Variants in ADARB2 observed in about 807,000 individuals in gnomAD.
The protein encoded by ADARB2 is inactive double-stranded RNA-specific editase B2.
Under a neutral mutation model 62.2 loss-of-function variants are expected in ADARB2, and 25 were observed. The observed-to-expected ratio is 0.40, with a 90% CI of 0.29 to 0.56. The LOEUF is 0.56. ADARB2 is among the 20% of genes least tolerant of loss of function. ADARB2 has a pLI of 0.43. For missense variants in ADARB2, 1,071 were observed against 1,077.4 expected (o/e 0.99, Z 0.08); for synonymous variants, 572 against 500.8 (o/e 1.14, Z -1.90).
At chr10:1,258,183 GCTTAAC>G (rs1831098407) in intron 4 of ADARB2, among the ~76,000 whole-genome samples, 1 of 151,876 alleles carries the variant, frequency 6.6e-6, no homozygotes, top group Non-Finnish European at 1.5e-5. Context: ...TCTTAAGTGT[GCTTAAC>G]CATAGCATGG....
chr10:1,726,981 T>C (rs1835175505), intron 1 of ADARB2, among the ~76,000 whole-genome samples: 1 of 152,196 alleles, frequency 6.6e-6, no homozygotes. Context: ...GAACATGTTC[T>C]AGAGCTTCTG....
In ADARB2 at chr10:1,636,737, AT is replaced by A. The variant is rs935424354; in HGVS notation, c.100+100313del. On this transcript the variant is annotated intron_variant, in intron 1 of 9. Coordinates refer to ENST00000381312, the MANE Select transcript of ADARB2 (RefSeq NM_018702.4). ...ATATAGATATTTGATATATACCGAT[AT>A]GATGTATAATATACATCATATCAAT... Among the ~76,000 whole-genome samples, 15 of 149,702 alleles carry A rather than the reference AT, an allele frequency of 1.0e-4. No individual in the cohort carries two copies. In the East Asian group the frequency reaches 2.9e-3, roughly 29 times the overall value.
intron 1 of ADARB2, among the ~76,000 whole-genome samples, chr10:1,528,947 C>G (rs191041359): frequency 4.6e-5 from 7 of 152,192 alleles, no homozygotes; most frequent in African/African-American, 1.2e-4. Context: ...TAGGTTCCCA[C>G]GGTTCTCTCT....
chr10:1,705,030 G>GA (rs566864674), intron 1 of ADARB2, among the ~76,000 whole-genome samples: 60 of 152,164 alleles, frequency 3.9e-4, no homozygotes, highest in African/African-American at 6.5e-4. Flanking sequence ...CAATATGTGT[G>GA]AAAAAAATTG....
At chr10:1,308,088 A>AT (rs1564253144) in intron 3 of ADARB2, among the ~76,000 whole-genome samples, 1 of 51,190 alleles carries the variant, frequency 2.0e-5, no homozygotes, top group East Asian at 2.0e-3. Context: ...AATAAAAAAA[A>AT]TAAATTAAAA....
intron 1 of ADARB2, chr10:1,676,238 T>G (rs1407257941): frequency 5.4e-6 from 1 of 185,556 alleles, no homozygotes; most frequent in Admixed American, 6.5e-5. Context: ...TAAGAGTCCC[T>G]GTTTTCTCAG....
At chr10:1,728,826 A>G (rs546935066) in intron 1 of ADARB2, among the ~76,000 whole-genome samples, 8 of 152,352 alleles carry the variant, frequency 5.3e-5, no homozygotes, top group African/African-American at 1.9e-4. Context: ...TTTGCTACAC[A>G]TCAAAGCTAT....
At chr10:1,601,134 C>T (rs1833406981) in intron 1 of ADARB2, among the ~76,000 whole-genome samples, 1 of 152,196 alleles carries the variant, frequency 6.6e-6, no homozygotes, top group Non-Finnish European at 1.5e-5. Flanking sequence ...AACAGAAAGC[C>T]AGTTTGCCTG....
In ADARB2 at chr10:1,363,652, C is replaced by T. The variant is rs1194442672; in HGVS notation, c.453G>A (p.Val151=). Residue 151 remains valine (V), a synonymous_variant, in exon 3 of 10, where the codon GTG becomes GTA. Coordinates refer to ENST00000381312, the MANE Select transcript of ADARB2 (RefSeq NM_018702.4). ...QYRTVSQTGP[V]HAPVFAVAVE... The stretch of plus-strand genomic sequence containing the variant: ...CCGCTACCGCGAAGACCGGGGCATG[C>T]ACCGGGCCCGTCTGCGACACTGTCC... The T allele has an allele frequency of 6.2e-7, 1 of 1,607,640 alleles. No individual in the cohort carries two copies.
intron 1 of ADARB2, among the ~76,000 whole-genome samples, chr10:1,662,169 A>T (rs1312549586): frequency 6.6e-6 from 1 of 152,162 alleles, no homozygotes; most frequent in Non-Finnish European, 1.5e-5. Flanking sequence ...TGGAAGGGTT[A>T]TTGGCCCAAT....
At position 1,737,458 on chromosome 10, in the gene ADARB2, G is replaced by A; in HGVS notation, c.-308C>T. 1 of 385,108 alleles carries A rather than the reference G, an allele frequency of 2.6e-6. No homozygotes were observed. Among genetic ancestry groups the A allele is most frequent in the South Asian group, 3.9e-5 (1 of 25,334 alleles). 23.9% of individuals were successfully genotyped at this position (385,108 alleles called of 1,614,324 possible). On this transcript the variant is annotated 5_prime_UTR_variant, in exon 1 of 10. Coordinates refer to ENST00000381312, the MANE Select transcript of ADARB2 (RefSeq NM_018702.4). ...GAGCTTCCCGCGGGCTCTGCCTCCT[G>A]CTCTGGGCTCCCAGCGCAGGGAGGC...
chr10:1,727,545 T>C (rs1835181662), intron 1 of ADARB2, among the ~76,000 whole-genome samples: 2 of 152,216 alleles, frequency 1.3e-5, no homozygotes, highest in Non-Finnish European at 2.9e-5. Context: ...AGCTATTATG[T>C]TTTGATATTG....
At chr10:1,632,288 C>T (rs1045136525) in intron 1 of ADARB2, among the ~76,000 whole-genome samples, 2 of 152,206 alleles carry the variant, frequency 1.3e-5, no homozygotes, top group African/African-American at 4.8e-5. Flanking sequence ...CATATGCACA[C>T]ACTACACACA....
At chr10:1,275,022 C>T (rs1357456265) in intron 3 of ADARB2, among the ~76,000 whole-genome samples, 2 of 152,230 alleles carry the variant, frequency 1.3e-5, no homozygotes, top group Non-Finnish European at 2.9e-5. Context: ...CCACTCTCCG[C>T]ACCCTGCAGG....
At chr10:1,204,886 A>G (rs967896831) in intron 7 of ADARB2, among the ~76,000 whole-genome samples, 1 of 152,194 alleles carries the variant, frequency 6.6e-6, no homozygotes, top group Non-Finnish European at 1.5e-5. Flanking sequence ...GTTGTGTTCA[A>G]AGGTGGAAAC....
intron 1 of ADARB2, among the ~76,000 whole-genome samples, chr10:1,407,919 GCTTT>G (rs1467813490): frequency 3.3e-5 from 5 of 152,182 alleles, no homozygotes; most frequent in African/African-American, 1.2e-4. Context: ...GGAGGCCAAT[GCTTT>G]CTTTGACTCT....
chr10:1,427,913 C>T (rs1351848879), intron 1 of ADARB2, among the ~76,000 whole-genome samples: 3 of 151,908 alleles, frequency 2.0e-5, no homozygotes, highest in East Asian at 1.9e-4. Flanking sequence ...TATCTGTATA[C>T]ACAACTTAGA....
In ADARB2 at chr10:1,220,147, GTGA is replaced by G. The variant is rs539102967; in HGVS notation, c.1514-3031_1514-3029del. ...GATGGTGAAGATAATGATGGCAATG[GTGA>G]TGATGGTGATGGTAATGATGGTGGT... On this transcript the variant is annotated intron_variant, in intron 6 of 9. Coordinates refer to ENST00000381312, the MANE Select transcript of ADARB2 (RefSeq NM_018702.4). Among the ~76,000 whole-genome samples, 199 of 137,284 alleles carry G rather than the reference GTGA, an allele frequency of 1.4e-3. 1 individual carries two copies. The highest frequency in any genetic ancestry group is 5.4e-3 in the South Asian group (22 of 4,062). The allele number at this position is 137,284 out of a possible 152,430, so 90.1% of individuals were successfully genotyped here.
At chr10:1,461,755 T>C (rs368331700) in intron 1 of ADARB2, among the ~76,000 whole-genome samples, 1 of 152,130 alleles carries the variant, frequency 6.6e-6, no homozygotes, top group East Asian at 1.9e-4. Context: ...ATCCCAGCAC[T>C]TTGGGAGGCC....
Sources: gnomAD v4.1 joint callset for allele counts (sites outside exome capture counted in the v4.1 genomes callset) on GRCh38, gnomAD v4.1.1 for gene constraint, MANE v1.5 for transcripts, NCBI Gene and HGNC (gene_info 2026-07-23, HGNC 2026-07-21) for gene names.